The following LIMA1 variants were observed in gnomAD, a reference collection of about 807,000 sequenced individuals.
LIMA1 encodes the protein LIM domain and actin binding 1.
In LIMA1, 52 loss-of-function variants were observed where a neutral mutation model predicts 62.6. That is an observed-to-expected ratio of 0.83 (90% CI 0.67 to 1.05). The LOEUF is 1.05. Ranked by LOEUF, LIMA1 falls within the 50% of genes least tolerant of loss-of-function variation. The pLI, the probability that LIMA1 is intolerant of heterozygous loss-of-function variation, is 0.00. For missense variants in LIMA1, 780 were observed against 902.2 expected (o/e 0.86, Z 1.74); for synonymous variants, 302 against 317.8 (o/e 0.95, Z 0.53).
intron 1 of LIMA1, among the ~76,000 whole-genome samples, chr12:50,281,656 G>A (rs572865957): frequency 1.3e-5 from 2 of 152,270 alleles, no homozygotes; most frequent in Non-Finnish European, 2.9e-5. Context: ...TTTACTAAAT[G>A]CCACATTAAC....
chr12:50,206,995 G>A (rs1046577785), intron 4 of LIMA1, among the ~76,000 whole-genome samples: 11 of 151,962 alleles, frequency 7.2e-5, no homozygotes, highest in South Asian at 4.2e-4. Context: ...TGTGATCTTG[G>A]CTCACTGCAG....
intron 2 of LIMA1, among the ~76,000 whole-genome samples, chr12:50,240,771 C>T (rs146190393): frequency 2.1e-4 from 32 of 152,226 alleles, no homozygotes; most frequent in South Asian, 4.1e-4. Flanking sequence ...TTAGAACTTG[C>T]GTGCCCATGG....
At chr12:50,210,836 T>C (rs758658302) in intron 4 of LIMA1, among the ~76,000 whole-genome samples, 1 of 152,130 alleles carries the variant, frequency 6.6e-6, no homozygotes, top group African/African-American at 2.4e-5. Context: ...ACTAAAAAAG[T>C]ACATGAACAA....
At chr12:50,273,541 A>G (rs1263511927) in intron 1 of LIMA1, among the ~76,000 whole-genome samples, 3 of 152,208 alleles carry the variant, frequency 2.0e-5, no homozygotes, top group Non-Finnish European at 4.4e-5. Context: ...TTTAAATAAA[A>G]CTTCAAGCCA....
intron 9 of LIMA1, among the ~76,000 whole-genome samples, chr12:50,184,459 T>G (rs565173500): frequency 2.0e-5 from 3 of 152,250 alleles, no homozygotes; most frequent in East Asian, 3.9e-4. Flanking sequence ...CTGGCCAACA[T>G]GGTGAAACCC....
chr12:50,263,834 GTATATATATATATATAT>G (rs1942102837), intron 1 of LIMA1, among the ~76,000 whole-genome samples: 8 of 116,258 alleles, frequency 6.9e-5, no homozygotes, highest in African/African-American at 1.4e-4. Flanking sequence ...TATAGAGAGA[GTATATATATATATATAT>G]AGAGAGTATA....
intron 1 of LIMA1, among the ~76,000 whole-genome samples, chr12:50,271,451 C>A (rs1383017012): frequency 6.6e-6 from 1 of 152,112 alleles, no homozygotes; most frequent in Non-Finnish European, 1.5e-5. Flanking sequence ...TCTTTCCCTC[C>A]CCGTCCCAGC....
intron 7 of LIMA1, among the ~76,000 whole-genome samples, chr12:50,200,515 A>T (rs1438457124): frequency 6.6e-6 from 1 of 152,222 alleles, no homozygotes. Flanking sequence ...AATAGATTTT[A>T]AAAAATCACT....
At chr12:50,238,267 G>A (rs141079525) in intron 2 of LIMA1, among the ~76,000 whole-genome samples, 2 of 152,044 alleles carry the variant, frequency 1.3e-5, no homozygotes, top group African/African-American at 4.8e-5. Flanking sequence ...AGCACTTTGG[G>A]AGGCCAAGGT....
At chr12:50,209,403 C>A (rs1941211981) in intron 4 of LIMA1, among the ~76,000 whole-genome samples, 1 of 151,590 alleles carries the variant, frequency 6.6e-6, no homozygotes, top group Non-Finnish European at 1.5e-5. Flanking sequence ...AACCCTGTCT[C>A]TACTAAATAT....
chr12:50,204,835 T>C (rs1941122844), intron 5 of LIMA1, 135 bp from the exon 6 acceptor site: 2 of 752,608 alleles, frequency 2.7e-6, no homozygotes, highest in South Asian at 1.9e-5. Context: ...TCCTCCCGCC[T>C]CAGCCTCCCA....
chr12:50,206,068 T>C lies in LIMA1; in HGVS notation c.631A>G (p.Ile211Val), dbSNP rs1941147122. 6.2e-7 allele frequency: 1 copy of C among 1,611,214 alleles called. No homozygotes were observed. Among genetic ancestry groups the C allele is most frequent in the African/African-American group, 1.3e-5 (1 of 75,000 alleles). The stretch of plus-strand genomic sequence containing the variant: ...GCACTTCGGCTTTGGGCCCGGAGAA[T>C]CTGGAAAACGAAACCCAACGATAAG... ...FEKGEPTQTK[I>V]LRAQSRSASG... Residue 211 changes from isoleucine to valine, a missense_variant and splice_region_variant, in exon 5 of 11, where the codon ATT becomes GTT. Transcript: ENST00000341247.
rs199650468 is a variant in LIMA1 at position 50,227,237 on chromosome 12, C to CTTT, written c.165+4425_165+4427dup. On this transcript the variant is annotated intron_variant, in intron 3 of 10. Transcript: ENST00000341247. ...AAGTCTTCACTTTCTTTTTTCTTTT[C>CTTT]TTTTTTTTTTTTTTTTTTTGAGATG... Among the ~76,000 whole-genome samples the CTTT allele has an allele frequency of 4.7e-3, 586 of 123,942 alleles. 15 individuals carry two copies. Among genetic ancestry groups the CTTT allele is most frequent in the Non-Finnish European group, 6.0e-3 (366 of 60,606 alleles). 81.3% of individuals were successfully genotyped at this position (123,942 alleles called of 152,430 possible).
At chr12:50,240,352 T>A (rs1941759795) in intron 2 of LIMA1, among the ~76,000 whole-genome samples, 1 of 152,076 alleles carries the variant, frequency 6.6e-6, no homozygotes, top group South Asian at 2.1e-4. Flanking sequence ...AATGGTAGGA[T>A]GGTCACTGAT....
chr12:50,241,739 AG>A (rs1369990414), intron 2 of LIMA1, among the ~76,000 whole-genome samples: 1 of 152,074 alleles, frequency 6.6e-6, no homozygotes, highest in Non-Finnish European at 1.5e-5. Flanking sequence ...CACAAGACTG[AG>A]GCTCAATACT....
rs1257122833 is a variant in LIMA1, at chr12:50,222,287, C to T, written c.364G>A (p.Glu122Lys). The change falls in exon 4 of 11, where the codon GAA becomes AAA. Residue 122 changes from glutamate to lysine, a missense_variant. Glu to Lys is a moderately conservative substitution (Grantham distance 56). Transcript: ENST00000341247. The stretch of plus-strand genomic sequence containing the variant: ...AGTCTAGATCTGGGGTGGATTTGTT[C>T]TTCTTGGTCAGCTTTGGCTCCAGAA... ...AASGAKADQE[E>K]QIHPRSRLRS... The T allele has an allele frequency of 1.9e-6, 3 of 1,613,982 alleles. No individual in the cohort carries two copies. The highest frequency in any genetic ancestry group is 2.5e-6 in the Non-Finnish European group (3 of 1,180,028).
chr12:50,258,021 G>T (rs958366888), intron 1 of LIMA1, among the ~76,000 whole-genome samples: 1 of 152,148 alleles, frequency 6.6e-6, no homozygotes, highest in Non-Finnish European at 1.5e-5. Flanking sequence ...TGGCTCCAGT[G>T]TTCTCTCAAC....
chr12:50,227,807 C>G (rs1405527982), intron 3 of LIMA1, among the ~76,000 whole-genome samples: 1 of 151,838 alleles, frequency 6.6e-6, no homozygotes, highest in Non-Finnish European at 1.5e-5. Flanking sequence ...CTCCTAAATT[C>G]TCCCCCAGCC....
At chr12:50,233,716 G>A (rs1385676238) in intron 2 of LIMA1, among the ~76,000 whole-genome samples, 3 of 152,066 alleles carry the variant, frequency 2.0e-5, no homozygotes, top group Admixed American at 1.3e-4. Flanking sequence ...CTAAAGACAG[G>A]GTTTCACCAT....
Sources: allele counts gnomAD v4.1 joint callset (sites outside exome capture counted in the v4.1 genomes callset), GRCh38; gene constraint gnomAD v4.1.1; transcripts MANE v1.5; gene names NCBI Gene and HGNC (gene_info 2026-07-23, HGNC 2026-07-21).